DMD: variants seen among roughly 807,000 people sequenced by gnomAD.
The protein encoded by DMD is dystrophin, also known as mutant dystrophin.
DMD carries 63 observed loss-of-function variants against 330.1 expected under a neutral mutation model. The ratio of observed to expected loss-of-function variants is 0.19; its 90% CI spans 0.16 to 0.24. DMD has a LOEUF of 0.24. DMD is among the 10% of genes least tolerant of loss of function. The pLI is 1.00. For synonymous variants in DMD, 1,223 were observed against 959.8 expected, an observed-to-expected ratio of 1.27 and a Z score of -5.07; for missense variants, 3,344 against 2,684.1, an observed-to-expected ratio of 1.25 and a Z score of -5.43.
chrX:31,412,928 T>G (rs2061707962), intron 60 of DMD, among the ~76,000 whole-genome samples: 1 of 111,955 alleles, frequency 8.9e-6, no homozygotes, highest in African/African-American at 3.2e-5. Context: ...TTAAGTGTGC[T>G]GTGTCCTTTA....
intron 44 of DMD, among the ~76,000 whole-genome samples, chrX:32,156,623 C>G (rs1392001849): frequency 2.2e-5 from 2 of 92,610 alleles, no homozygotes; most frequent in East Asian, 6.8e-4. Context: ...TTTTGAATGA[C>G]AAAAGGATAC....
intron 26 of DMD, among the ~76,000 whole-genome samples, chrX:32,452,334 T>TGAAAGTGAAAGTGAAAGG (rs2098333868): frequency 2.7e-4 from 4 of 14,998 alleles, no homozygotes; most frequent in Non-Finnish European, 3.3e-4. Context: ...AAAGTGAAAG[T>TGAAAGTGAAAGTGAAAGG]GAAAGGGAAA....
At chrX:31,502,706 T>C (rs183249085) in intron 56 of DMD, among the ~76,000 whole-genome samples, 2 of 111,897 alleles carry the variant, frequency 1.8e-5, no homozygotes, top group East Asian at 5.6e-4. Flanking sequence ...GTTAATAGTA[T>C]ATACAATGAT....
At chrX:32,314,123 C>A (rs1355819582) in intron 41 of DMD, among the ~76,000 whole-genome samples, 1 of 111,572 alleles carries the variant, frequency 9.0e-6, no homozygotes, top group East Asian at 2.8e-4. Context: ...AAGCTGGAGG[C>A]ATCACGCTAC....
chrX:31,903,069 G>A (rs2094441690), intron 47 of DMD, among the ~76,000 whole-genome samples: 2 of 111,188 alleles, frequency 1.8e-5, no homozygotes, highest in Non-Finnish European at 3.8e-5. Flanking sequence ...TATAATGAGA[G>A]CGATACATGT....
chrX:32,069,406 A>G (rs1183298066), intron 44 of DMD, among the ~76,000 whole-genome samples: 1 of 111,827 alleles, frequency 8.9e-6, no homozygotes, highest in Non-Finnish European at 1.9e-5. Context: ...TATTTTTCTC[A>G]TATACATAAT....
chrX:32,953,328 T>C (rs986302274), intron 2 of DMD, among the ~76,000 whole-genome samples: 8 of 110,996 alleles, frequency 7.2e-5, no homozygotes, highest in South Asian at 3.8e-4. Context: ...AAACTATCAA[T>C]TTTTGTATTT....
At chrX:31,548,172 C>G (rs748178635) in intron 55 of DMD, among the ~76,000 whole-genome samples, 1 of 111,878 alleles carries the variant, frequency 8.9e-6, no homozygotes, top group East Asian at 2.8e-4. Flanking sequence ...TCTCATTGCC[C>G]TGCCCCCTGG....
At chrX:32,837,662 A>G (rs1282209393) in intron 4 of DMD, among the ~76,000 whole-genome samples, 3 of 111,963 alleles carry the variant, frequency 2.7e-5, no homozygotes, top group Admixed American at 9.6e-5. Flanking sequence ...CGTGTTTAAT[A>G]TCAGGACAGT....
At chrX:32,626,786 T>C (rs771204996) in intron 11 of DMD, among the ~76,000 whole-genome samples, 17 of 103,119 alleles carry the variant, frequency 1.6e-4, no homozygotes, top group Admixed American at 1.6e-3. Flanking sequence ...GTTGTGCACA[T>C]GCATCCTAGA....
At chrX:31,561,517 T>C (rs949035945) in intron 55 of DMD, among the ~76,000 whole-genome samples, 2 of 112,082 alleles carry the variant, frequency 1.8e-5, no homozygotes, top group Non-Finnish European at 3.8e-5. Flanking sequence ...CCTTCAACAG[T>C]GCTAGTTACA....
rs778184775 is a variant in DMD, at chrX:31,820,098, C to T, written c.7201-15G>A. The T allele has an allele frequency of 6.4e-5, 73 of 1,136,069 alleles. 1 individual carries two copies. The South Asian group carries it at 1.2e-3, about 19-fold the overall frequency. 93.6% of individuals were successfully genotyped at this position (1,136,069 alleles called of 1,213,427 possible). A position where few individuals can be genotyped will look rare whatever the true frequency, so the allele number is the denominator to read the frequency against. ...TCTAACTTCCTCTTTAACAGAAAAG[C>T]ATACACATTACTTATTCGATTAACA... is the stretch of plus-strand genomic sequence containing the variant. On this transcript the variant is annotated splice_polypyrimidine_tract_variant and intron_variant, in intron 49 of 78. Transcript: ENST00000357033.
At chrX:32,740,279 C>G (rs1195161907) in intron 7 of DMD, among the ~76,000 whole-genome samples, 1 of 110,005 alleles carries the variant, frequency 9.1e-6, no homozygotes, top group South Asian at 3.8e-4. Context: ...TCTTTTGAGT[C>G]GCTGAGATAT....
At chrX:33,289,565 A>G (rs1462184521) in intron 1 of DMD, among the ~76,000 whole-genome samples, 1 of 111,999 alleles carries the variant, frequency 8.9e-6, no homozygotes, top group Non-Finnish European at 1.9e-5. Context: ...GGAAGGCCAC[A>G]CATTTTAACA....
chrX:33,311,624 A>T (rs983385616), intron 1 of DMD, among the ~76,000 whole-genome samples: 4 of 110,741 alleles, frequency 3.6e-5, no homozygotes, highest in African/African-American at 1.3e-4. Flanking sequence ...ATGATACACG[A>T]TGATCTAGTA....
intron 70 of DMD, chrX:31,178,358 G>C: frequency 1.0e-6 from 1 of 962,810 alleles, no homozygotes; most frequent in Non-Finnish European, 1.3e-6. Context: ...TGAAATACTG[G>C]AATCACTCAT....
At chrX:31,258,417 T>C (rs2050183723) in intron 63 of DMD, among the ~76,000 whole-genome samples, 1 of 112,837 alleles carries the variant, frequency 8.9e-6, no homozygotes, top group Non-Finnish European at 1.9e-5. Flanking sequence ...GAATGTTTGA[T>C]TGTTACAAAA....
At chrX:31,398,912 G>C (rs1445833562) in intron 60 of DMD, among the ~76,000 whole-genome samples, 1 of 111,994 alleles carries the variant, frequency 8.9e-6, no homozygotes, top group African/African-American at 3.2e-5. Flanking sequence ...TCATGGAAGG[G>C]GGAGCACAGG....
chrX:32,152,371 T>C (rs1408588150), intron 44 of DMD, among the ~76,000 whole-genome samples: 1 of 111,917 alleles, frequency 8.9e-6, no homozygotes, highest in African/African-American at 3.2e-5. Flanking sequence ...AATTTTCTTC[T>C]TTATATGAAT....
Sources: gnomAD v4.1 joint callset for allele counts (sites outside exome capture counted in the v4.1 genomes callset) on GRCh38, gnomAD v4.1.1 for gene constraint, MANE v1.5 for transcripts, NCBI Gene and HGNC (gene_info 2026-07-23, HGNC 2026-07-21) for gene names.